Variants in PIK3CG observed in about 807,000 individuals in gnomAD.
PIK3CG encodes the protein phosphatidylinositol 4,5-bisphosphate 3-kinase catalytic subunit gamma isoform.
PIK3CG carries 55 observed loss-of-function variants against 102.3 expected under a neutral mutation model. The ratio of observed to expected loss-of-function variants is 0.54; its 90% CI spans 0.43 to 0.67. The LOEUF is 0.67. PIK3CG is among the 30% of genes least tolerant of loss of function. PIK3CG has a pLI of 0.00. For synonymous variants in PIK3CG, 552 were observed against 540.0 expected, an observed-to-expected ratio of 1.02 and a Z score of -0.31; for missense variants, 1,258 against 1,391.8, an observed-to-expected ratio of 0.90 and a Z score of 1.53.
Position 106,899,105 on chromosome 7 carries a change from GTATTT to G in PIK3CG, c.3031-5999_3031-5995del, listed in dbSNP as rs953287982. ...CCTCCCTGGTTGGCTATATCCCTAG[GTATTT>G]TATTCTTTTTGTGGCAATTGTGAAC... On this transcript the variant is annotated intron_variant, in intron 10 of 10. Coordinates refer to ENST00000496166, the MANE Select transcript of PIK3CG (RefSeq NM_001282426.2). The surrounding 1 kb of genome is among the most constrained non-coding windows in gnomAD (Gnocchi z 4.6). Among the ~76,000 whole-genome samples, 1 of 151,962 alleles carries G rather than the reference GTATTT, an allele frequency of 6.6e-6. No homozygotes were observed. The highest frequency in any genetic ancestry group is 2.4e-5 in the African/African-American group (1 of 41,362).
rs1019675922 is a variant in PIK3CG, at chr7:106,893,376, G to A, written c.3030+7084G>A. Among the ~76,000 whole-genome samples, 2 of 152,076 alleles carry A rather than the reference G, an allele frequency of 1.3e-5. No individual in the cohort carries two copies. The highest frequency in any genetic ancestry group is 6.5e-5 in the Admixed American group (1 of 15,276). On this transcript the variant is annotated intron_variant, in intron 10 of 10. Coordinates refer to ENST00000496166, the MANE Select transcript of PIK3CG (RefSeq NM_001282426.2). The surrounding 1 kb of genome is among the most constrained non-coding windows in gnomAD (Gnocchi z 4.4). ...ATCTCCCCCATATGCAGACTTGTGC[G>A]GCTTGTCAAACTGTTAGGACTTTAT...
At position 106,872,074 on chromosome 7, in the gene PIK3CG, G is replaced by A. The variant is rs1392539682; in HGVS notation, c.1996-463G>A. Among the ~76,000 whole-genome samples, 1 of 152,110 alleles carries A rather than the reference G, an allele frequency of 6.6e-6. No homozygotes were observed. The highest frequency in any genetic ancestry group is 6.5e-5 in the Admixed American group (1 of 15,274). ...AAAAGGGAAGCTATAGGGCTTTTAG[G>A]ATCTTTCCATCTAACAAATATTTTT... On this transcript the variant is annotated intron_variant, in intron 2 of 10. Transcript: ENST00000496166. The surrounding 1 kb of genome is among the most constrained non-coding windows in gnomAD (Gnocchi z 5.3).
At chr7:106,904,401 G>A (rs1265087007) in intron 10 of PIK3CG, among the ~76,000 whole-genome samples, 1 of 152,016 alleles carries the variant, frequency 6.6e-6, no homozygotes, top group African/African-American at 2.4e-5. Context: ...GTAAAATTGA[G>A]ACTCTTGCAT....
intron 5 of PIK3CG, among the ~76,000 whole-genome samples, chr7:106,876,156 C>T (rs1245854620): frequency 6.6e-6 from 1 of 151,544 alleles, no homozygotes; most frequent in African/African-American, 2.4e-5. Flanking sequence ...CCTCATGATC[C>T]ACCCGCCTCG....
rs2116620823 is a variant in PIK3CG at position 106,905,453 on chromosome 7, A to G, written c.*66A>G. On this transcript the variant is annotated 3_prime_UTR_variant, in exon 11 of 11. Coordinates refer to ENST00000496166, the MANE Select transcript of PIK3CG (RefSeq NM_001282426.2). This position sits in a 1 kb window ranked among gnomAD's most constrained non-coding sequence, Gnocchi z 5.6. ...TTTAAATTAGCATAGCAATCATCGAACTTGGATTTCAAATGCAATAGACAT... is the reference window on the plus strand; with the variant it reads ...TTTAAATTAGCATAGCAATCATCGAGCTTGGATTTCAAATGCAATAGACAT... 6.9e-7 allele frequency: 1 copy of G among 1,454,008 alleles called. No homozygotes were observed. The highest frequency in any genetic ancestry group is 2.3e-5 in the East Asian group (1 of 43,874). The allele number at this position is 1,454,008 out of a possible 1,614,324, so 90.1% of individuals were successfully genotyped here. A position where few individuals can be genotyped will look rare whatever the true frequency, so the allele number is the denominator to read the frequency against.
chr7:106,901,197 C>G (rs745599203), intron 10 of PIK3CG, among the ~76,000 whole-genome samples: 1 of 150,948 alleles, frequency 6.6e-6, no homozygotes, highest in African/African-American at 2.4e-5. Context: ...GCCAGTGATT[C>G]GTAGATTTGG....
At position 106,868,670 on chromosome 7, in the gene PIK3CG, T is replaced by TCCCCGTCCTGG; in HGVS notation, c.1119_1120insGCCCCGTCCTG (p.Pro374AlafsTer14). ...AGGGTCAAGATCAGAGGCATTGATA[T>TCCCCGTCCTGG]CCCCGTCCTGCCTCGGAACACCGAC... On this transcript the variant is annotated frameshift_variant, in exon 2 of 11. Transcript: ENST00000496166. LOFTEE classifies it high-confidence loss of function. The surrounding 1 kb of genome is among the most constrained non-coding windows in gnomAD (Gnocchi z 6.2). The TCCCCGTCCTGG allele has an allele frequency of 6.2e-7, 1 of 1,614,176 alleles. No homozygotes were observed. Among genetic ancestry groups the TCCCCGTCCTGG allele is most frequent in the Non-Finnish European group, 8.5e-7 (1 of 1,180,040 alleles).
In PIK3CG at chr7:106,892,488, T is replaced by C. The variant is rs761246114; in HGVS notation, c.3030+6196T>C. Among the ~76,000 whole-genome samples the C allele has an allele frequency of 6.6e-6, 1 of 152,250 alleles. No individual in the cohort carries two copies. Among genetic ancestry groups the C allele is most frequent in the Non-Finnish European group, 1.5e-5 (1 of 68,038 alleles). On this transcript the variant is annotated intron_variant, in intron 10 of 10. Transcript: ENST00000496166. This position sits in a 1 kb window ranked among gnomAD's most constrained non-coding sequence, Gnocchi z 5.2. ...CCAGTTTGGCCCCTTTCAAATACAG[T>C]TGTTCCCTAATTCATCCTGATTTTA...
At chr7:106,888,089 T>C (rs849402) in intron 10 of PIK3CG, among the ~76,000 whole-genome samples, 83,377 of 151,448 alleles carry the variant, frequency 0.55, 23,145 homozygotes, top group South Asian at 0.64. Context: ...TACACGTCCG[T>C]GCCACCATGC....
chr7:106,903,395 A>AG lies in PIK3CG; in HGVS notation c.3031-1713dup, dbSNP rs1295585490. The stretch of plus-strand genomic sequence containing the variant: ...TCTAAGAATAATTTATATCATTATA[A>AG]GCAGTCTTGTCACTGAGGGATGTTC... On this transcript the variant is annotated intron_variant, in intron 10 of 10. Coordinates refer to ENST00000496166, the MANE Select transcript of PIK3CG (RefSeq NM_001282426.2). This position sits in a 1 kb window ranked among gnomAD's most constrained non-coding sequence, Gnocchi z 4.3. Among the ~76,000 whole-genome samples, 1 of 152,080 alleles carries AG rather than the reference A, an allele frequency of 6.6e-6. No homozygotes were observed. The highest frequency in any genetic ancestry group is 2.4e-5 in the African/African-American group (1 of 41,438).
rs374552635 is a variant in PIK3CG, at chr7:106,905,435, T to C, written c.*48T>C. The C allele has an allele frequency of 6.5e-7, 1 of 1,527,788 alleles. No individual in the cohort carries two copies. The highest frequency in any genetic ancestry group is 8.9e-7 in the Non-Finnish European group (1 of 1,119,672). The allele number at this position is 1,527,788 out of a possible 1,614,324, so 94.6% of individuals were successfully genotyped here. On this transcript the variant is annotated 3_prime_UTR_variant, in exon 11 of 11. Transcript: ENST00000496166. This position sits in a 1 kb window ranked among gnomAD's most constrained non-coding sequence, Gnocchi z 5.6. ...CAAGTTAGTGTTCTATGGTTTAAAT[T>C]AGCATAGCAATCATCGAACTTGGAT...
rs1182806830 is a variant in PIK3CG, at chr7:106,907,783, T to A, written c.*2396T>A. On this transcript the variant is annotated 3_prime_UTR_variant, in exon 11 of 11. Transcript: ENST00000496166. The stretch of plus-strand genomic sequence containing the variant: ...TATATATAACATATATATGCTAATA[T>A]ATATATATCACACATATATATCACA... Among the ~76,000 whole-genome samples the A allele has an allele frequency of 2.0e-5, 3 of 147,754 alleles. No individual in the cohort carries two copies. Among genetic ancestry groups the A allele is most frequent in the African/African-American group, 7.4e-5 (3 of 40,672 alleles).
rs1791029178 is a variant in PIK3CG at position 106,884,502 on chromosome 7, GT to G, written c.2872+237del. Among the ~76,000 whole-genome samples the G allele has an allele frequency of 6.6e-6, 1 of 152,122 alleles. No homozygotes were observed. Among genetic ancestry groups the G allele is most frequent in the Non-Finnish European group, 1.5e-5 (1 of 68,022 alleles). On this transcript the variant is annotated intron_variant, in intron 9 of 10. Coordinates refer to ENST00000496166, the MANE Select transcript of PIK3CG (RefSeq NM_001282426.2). The surrounding 1 kb of genome is among the most constrained non-coding windows in gnomAD (Gnocchi z 4.2). ...GCCTCCCTCCTTTCAGAACGGAGTA[GT>G]CTTTAAATGGAGTTTAAGACTGGAG...
rs752518004 is a variant in PIK3CG at position 106,868,108 on chromosome 7, C to T, written c.547C>T (p.Pro183Ser). ...LEFTRRGLVT[P>S]RMAEVASRDP... ...GTTCACGCGCCGTGGCTTGGTGACC[C>T]CGCGCATGGCGGAGGTGGCCAGCCG... Residue 183 changes from proline (P) to serine (S), a missense_variant, in exon 2 of 11, where the codon CCG becomes TCG. Pro to Ser is a moderately conservative substitution (Grantham distance 74). Around this residue, in one of 2 missense-constraint regions of PIK3CG, gnomAD observed 832 missense variants for 787.5 expected, o/e 1.06. Transcript: ENST00000496166. This position sits in a 1 kb window ranked among gnomAD's most constrained non-coding sequence, Gnocchi z 6.2. 1.2e-6 allele frequency: 2 copies of T among 1,613,056 alleles called. No individual in the cohort carries two copies. Among genetic ancestry groups the T allele is most frequent in the Admixed American group, 1.7e-5 (1 of 60,006 alleles).
intron 10 of PIK3CG, among the ~76,000 whole-genome samples, chr7:106,888,617 C>T (rs566979206): frequency 6.6e-6 from 1 of 152,288 alleles, no homozygotes; most frequent in South Asian, 2.1e-4. Context: ...ACTAAAGCAA[C>T]GTTTAGGCAG....
chr7:106,892,572 C>T lies in PIK3CG; in HGVS notation c.3030+6280C>T, dbSNP rs1791292362. On this transcript the variant is annotated intron_variant, in intron 10 of 10. Transcript: ENST00000496166. This position sits in a 1 kb window ranked among gnomAD's most constrained non-coding sequence, Gnocchi z 5.2. ...TTCTGAACATTAAGCATTCATCCAT[C>T]TTATATATGCAGATTATCTGTAGTG... Among the ~76,000 whole-genome samples the T allele has an allele frequency of 1.3e-5, 2 of 152,208 alleles. No individual in the cohort carries two copies. The highest frequency in any genetic ancestry group is 2.9e-5 in the Non-Finnish European group (2 of 68,040).
intron 7 of PIK3CG, 108 bp downstream of exon 7, chr7:106,882,315 A>G: frequency 2.2e-6 from 1 of 459,126 alleles, no homozygotes; most frequent in East Asian, 3.4e-5. Flanking sequence ...CTTAATCTGT[A>G]TAAAAAGGAA....
In PIK3CG at chr7:106,884,497, G is replaced by T. The variant is rs1791028935; in HGVS notation, c.2872+231G>T. On this transcript the variant is annotated intron_variant, in intron 9 of 10. Coordinates refer to ENST00000496166, the MANE Select transcript of PIK3CG (RefSeq NM_001282426.2). The surrounding 1 kb of genome is among the most constrained non-coding windows in gnomAD (Gnocchi z 4.2). ...CCCATGCCTCCCTCCTTTCAGAACG[G>T]AGTAGTCTTTAAATGGAGTTTAAGA... Among the ~76,000 whole-genome samples, 1 of 152,104 alleles carries T rather than the reference G, an allele frequency of 6.6e-6. No homozygotes were observed. Among genetic ancestry groups the T allele is most frequent in the South Asian group, 2.1e-4 (1 of 4,824 alleles).
chr7:106,884,184 T>C lies in PIK3CG; in HGVS notation c.2790T>C (p.Tyr930=). ...KFQAAVERFV[Y]SCAGYCVATF... is the part of the protein sequence containing the mutation. ...AGGCAGCAGTGGAGAGATTTGTTTA[T>C]TCCTGTGCAGGCTACTGTGTGGCAA... The change falls in exon 9 of 11, where the codon TAT becomes TAC. Residue 930 remains tyrosine, a synonymous_variant. Transcript: ENST00000496166. The surrounding 1 kb of genome is among the most constrained non-coding windows in gnomAD (Gnocchi z 4.2). The C allele has an allele frequency of 6.2e-7, 1 of 1,613,844 alleles. No individual in the cohort carries two copies. Among genetic ancestry groups the C allele is most frequent in the Non-Finnish European group, 8.5e-7 (1 of 1,179,798 alleles).
Sources: gnomAD v4.1 joint callset for allele counts (sites outside exome capture counted in the v4.1 genomes callset) on GRCh38, gnomAD v4.1.1 for gene constraint, gnomAD v4.1.1 regional missense constraint, Gnocchi (gnomAD v3.1) non-coding constraint, MANE v1.5 for transcripts, NCBI Gene and HGNC (gene_info 2026-07-23, HGNC 2026-07-21) for gene names.